Variants in ANKRD36C observed in about 807,000 individuals in gnomAD.
ANKRD36C encodes the protein ankyrin repeat domain 36C, also known as ankyrin repeat domain-containing protein 36C.
ANKRD36C carries 61 observed loss-of-function variants against 276.4 expected under a neutral mutation model. That is an observed-to-expected ratio of 0.22 (90% CI 0.18 to 0.27). The LOEUF (loss-of-function observed/expected upper bound fraction) is 0.27, where lower values mean the gene tolerates loss of function less well. ANKRD36C is among the 10% of genes least tolerant of loss of function. The pLI, the probability that ANKRD36C is intolerant of heterozygous loss-of-function variation, is 1.00. For synonymous variants in ANKRD36C, 483 were observed against 680.1 expected (o/e 0.71, Z 4.51); for missense variants, 1,447 against 2,032.3 (o/e 0.71, Z 5.54).
At chr2:95,963,133 C>G (rs1372889892) in intron 6 of ANKRD36C, among the ~76,000 whole-genome samples, 2 of 151,998 alleles carry the variant, frequency 1.3e-5, no homozygotes, top group African/African-American at 4.8e-5. Context: ...TTCTCAGAAC[C>G]ATGTGGTGTA....
At chr2:95,957,973 T>C (rs1218750477) in intron 12 of ANKRD36C, among the ~76,000 whole-genome samples, 1 of 152,204 alleles carries the variant, frequency 6.6e-6, no homozygotes, top group East Asian at 1.9e-4. Flanking sequence ...TCTAGCACTC[T>C]ATCCTGCTTC....
At chr2:95,902,940 C>T in intron 42 of ANKRD36C, 6 of 1,590,140 alleles carry the variant, frequency 3.8e-6, no homozygotes, top group Non-Finnish European at 5.1e-6. Flanking sequence ...AAAAGAGAAT[C>T]TTTCTCGTCT....
intron 59 of ANKRD36C, chr2:95,875,875 GTACACTAA>G: frequency 3.8e-6 from 1 of 264,020 alleles, no homozygotes; most frequent in African/African-American, 2.3e-5. Flanking sequence ...GTTATTGTTT[GTACACTAA>G]TACCAAAGGT....
chr2:95,933,352 T>C (rs559646573), intron 24 of ANKRD36C, among the ~76,000 whole-genome samples: 1 of 152,240 alleles, frequency 6.6e-6, no homozygotes, highest in Admixed American at 6.5e-5. Context: ...ATTGAACCTA[T>C]AAATTACTTT....
chr2:95,945,850 G>C (rs1678032776), intron 17 of ANKRD36C, among the ~76,000 whole-genome samples: 1 of 152,226 alleles, frequency 6.6e-6, no homozygotes, highest in African/African-American at 2.4e-5. Flanking sequence ...AAGACATGCG[G>C]TCTGCAAGGA....
At chr2:95,870,058 C>G (rs1675770497) in intron 59 of ANKRD36C, among the ~76,000 whole-genome samples, 1 of 152,264 alleles carries the variant, frequency 6.6e-6, no homozygotes, top group Non-Finnish European at 1.5e-5. Context: ...GCCTGCCTGC[C>G]TCTGTAGGCT....
In ANKRD36C at chr2:95,894,130, A is replaced by G. The variant is rs1410637484; in HGVS notation, c.2756-2270T>C. The G allele has an allele frequency of 1.6e-5, 4 of 252,228 alleles. No homozygotes were observed. In the East Asian group the frequency reaches 2.9e-4, roughly 18 times the overall value. 15.6% of individuals were successfully genotyped at this position (252,228 alleles called of 1,614,324 possible). A position where few individuals can be genotyped will look rare whatever the true frequency, so the allele number is the denominator to read the frequency against. On this transcript the variant is annotated intron_variant, in intron 44 of 66. Transcript: ENST00000456556. ...ACAAATCAAAAGGATTTACACCATT[A>G]TACTAAAAACATTCATCATGCTCTT...
intron 13 of ANKRD36C, 27 bp downstream of exon 13, chr2:95,956,759 C>T (rs1292038262): frequency 2.0e-6 from 3 of 1,530,696 alleles, no homozygotes; most frequent in Non-Finnish European, 2.6e-6. Flanking sequence ...GTTAACATAT[C>T]ACTTTAAAAA....
rs1390539633 is a variant in ANKRD36C at position 95,890,990 on chromosome 2, G to A, written c.2857+675C>T. 9.9e-5 allele frequency among the ~76,000 whole-genome samples: 15 copies of A among 151,500 alleles called. No homozygotes were observed. In the East Asian group the frequency reaches 2.7e-3, roughly 28 times the overall value. On this transcript the variant is annotated intron_variant, in intron 46 of 66. Transcript: ENST00000456556. ...TACAATCAACAAAATACGTATCTCT[G>A]ATACCTCCTAGTAAGAAAGAGGAGT... is the stretch of plus-strand genomic sequence containing the variant.
rs1203191214 is a variant in ANKRD36C, at chr2:95,889,889, C to G, written c.2887-18G>C. The G allele has an allele frequency of 1.9e-6, 3 of 1,606,858 alleles. No individual in the cohort carries two copies. In the Admixed American group the frequency reaches 5.1e-5, roughly 27 times the overall value. On this transcript the variant is annotated intron_variant, in intron 47 of 66. Transcript: ENST00000456556. ...CTTGTAGCCTGAATGGAATTTGAAA[C>G]ACAACAGTCAATAAATAAAGTATGT...
At chr2:95,925,954 A>G (rs928116976) in intron 28 of ANKRD36C, among the ~76,000 whole-genome samples, 44 of 151,634 alleles carry the variant, frequency 2.9e-4, no homozygotes, top group Non-Finnish European at 4.6e-4. Context: ...TTATACCATT[A>G]TACTGCAAGT....
intron 42 of ANKRD36C, among the ~76,000 whole-genome samples, chr2:95,910,815 TA>T (rs1457676148): frequency 6.6e-6 from 1 of 151,418 alleles, no homozygotes; most frequent in African/African-American, 2.4e-5. Context: ...AAAACTAAAA[TA>T]AAACCGTGTC....
rs1678479540 is a variant in ANKRD36C at position 95,962,252 on chromosome 2, A to C, written c.901+100T>G. ...AGCAGAATCTCAGGCCTGCTGAATC[A>C]GAATGTGCAGATTCAATGAGCTCCC... On this transcript the variant is annotated intron_variant, in intron 8 of 66. Coordinates refer to ENST00000456556, the Ensembl canonical transcript of ANKRD36C. 2.6e-5 allele frequency: 34 copies of C among 1,328,652 alleles called. No homozygotes were observed. In the South Asian group the frequency reaches 4.4e-4, roughly 17 times the overall value. The allele number at this position is 1,328,652 out of a possible 1,614,324, so 82.3% of individuals were successfully genotyped here. A position where few individuals can be genotyped will look rare whatever the true frequency, so the allele number is the denominator to read the frequency against.
At chr2:95,936,407 G>T (rs1431874676) in intron 22 of ANKRD36C, among the ~76,000 whole-genome samples, 2 of 152,106 alleles carry the variant, frequency 1.3e-5, no homozygotes, top group Non-Finnish European at 2.9e-5. Context: ...TGATTGTTTT[G>T]CTTCCACAGT....
chr2:95,916,137 C>T lies in ANKRD36C; in HGVS notation c.2376+6G>A, dbSNP rs774935242. On this transcript the variant is annotated splice_donor_region_variant and intron_variant, in intron 37 of 66. Transcript: ENST00000456556. ...TAGCTCACAATATAAATGAGAGTTTCATTACCTTCAAGGCTGGTTTTTTCC... is the reference window on the plus strand; with the variant it reads ...TAGCTCACAATATAAATGAGAGTTTTATTACCTTCAAGGCTGGTTTTTTCC... The T allele has an allele frequency of 4.7e-5, 76 of 1,605,364 alleles. 1 individual carries two copies. The highest frequency in any genetic ancestry group is 1.8e-4 in the East Asian group (8 of 44,608).
Position 95,884,688 on chromosome 2 carries a change from C to G in ANKRD36C, c.3164-320G>C, listed in dbSNP as rs374500990. On this transcript the variant is annotated intron_variant, in intron 52 of 66. Coordinates refer to ENST00000456556, the Ensembl canonical transcript of ANKRD36C. Reference sequence around the variant, plus strand: ...GTGATCTAAAATCAGAGGATCAACTCATACAATTGAGAATCAATGTCAAAG... The same window carrying G: ...GTGATCTAAAATCAGAGGATCAACTGATACAATTGAGAATCAATGTCAAAG... Among the ~76,000 whole-genome samples the G allele has an allele frequency of 1.5e-4, 23 of 152,180 alleles. No homozygotes were observed. In the East Asian group the frequency reaches 4.3e-3, roughly 28 times the overall value.
At chr2:95,910,960 G>A (rs1335690787) in intron 42 of ANKRD36C, among the ~76,000 whole-genome samples, 3 of 151,340 alleles carry the variant, frequency 2.0e-5, no homozygotes, top group Non-Finnish European at 1.5e-5. Context: ...CAAATCAAAA[G>A]GATTTACACC....
chr2:95,938,907 T>C lies in ANKRD36C; in HGVS notation c.1561-6A>G, dbSNP rs1158644428. The C allele has an allele frequency of 2.0e-6, 3 of 1,537,686 alleles. No individual in the cohort carries two copies. The Admixed American group carries it at 5.9e-5, about 30-fold the overall frequency. On this transcript the variant is annotated splice_polypyrimidine_tract_variant and splice_region_variant and intron_variant, in intron 21 of 66. Coordinates refer to ENST00000456556, the Ensembl canonical transcript of ANKRD36C. ...TCACTGTCTTTCACCGTATGCTGAA[T>C]GGGTTTGACAACATAATGATTAACA...
intron 59 of ANKRD36C, among the ~76,000 whole-genome samples, chr2:95,873,653 A>C (rs1675868425): frequency 6.6e-6 from 1 of 152,266 alleles, no homozygotes; most frequent in Admixed American, 6.5e-5. Context: ...CTCCTATTCA[A>C]CATAGTGTTG....
Sources: gnomAD v4.1 joint callset for allele counts (sites outside exome capture counted in the v4.1 genomes callset) on GRCh38, gnomAD v4.1.1 for gene constraint, MANE v1.5 for transcripts, NCBI Gene and HGNC (gene_info 2026-07-23, HGNC 2026-07-21) for gene names.